The following NTRK3 variants were observed in gnomAD, a reference collection of about 807,000 sequenced individuals.
NTRK3 encodes NT-3 growth factor receptor.
Under a neutral mutation model 91.7 loss-of-function variants are expected in NTRK3, and 24 were observed. The observed-to-expected ratio is 0.26, with a 90% CI of 0.19 to 0.37. The LOEUF (loss-of-function observed/expected upper bound fraction) is 0.37, where lower values mean the gene tolerates loss of function less well. NTRK3 is among the 10% of genes least tolerant of loss of function. The pLI is 1.00. For synonymous variants in NTRK3, 483 were observed against 404.0 expected (o/e 1.20, Z -2.34); for missense variants, 880 against 1,068.9 (o/e 0.82, Z 2.46).
At chr15:88,118,052 C>T (rs78538995) in intron 13 of NTRK3, among the ~76,000 whole-genome samples, 21 of 152,296 alleles carry the variant, frequency 1.4e-4, no homozygotes, top group African/African-American at 4.8e-4. Flanking sequence ...GAGCTGGGGC[C>T]GGGGATTTGC....
intron 6 of NTRK3, among the ~76,000 whole-genome samples, chr15:88,146,771 TGAA>T (rs2042926975): frequency 6.6e-6 from 1 of 152,140 alleles, no homozygotes; most frequent in African/African-American, 2.4e-5. Context: ...TCAAATAAGC[TGAA>T]GAAGATTATG....
chr15:87,932,521 A>T (rs768299103), intron 16 of NTRK3, among the ~76,000 whole-genome samples: 1 of 152,202 alleles, frequency 6.6e-6, no homozygotes, highest in South Asian at 2.1e-4. Flanking sequence ...TGTTTCAACC[A>T]TCTCTGCCAC....
chr15:88,091,039 G>A (rs966660005), intron 13 of NTRK3, among the ~76,000 whole-genome samples: 58 of 152,328 alleles, frequency 3.8e-4, no homozygotes, highest in African/African-American at 1.3e-3. Flanking sequence ...TAACTCCTGT[G>A]TGAACCCTGG....
intron 3 of NTRK3, among the ~76,000 whole-genome samples, chr15:88,232,810 C>T (rs1243444431): frequency 6.6e-6 from 1 of 152,174 alleles, no homozygotes; most frequent in Non-Finnish European, 1.5e-5. Flanking sequence ...AACATTCTTG[C>T]CTTGTGAGAG....
At chr15:87,986,179 A>G (rs1197553386) in intron 14 of NTRK3, among the ~76,000 whole-genome samples, 1 of 152,218 alleles carries the variant, frequency 6.6e-6, no homozygotes, top group Non-Finnish European at 1.5e-5. Flanking sequence ...GGGTATTAAT[A>G]ATCTATCTTC....
chr15:87,973,970 A>C (rs2073481185), intron 14 of NTRK3, among the ~76,000 whole-genome samples: 1 of 152,138 alleles, frequency 6.6e-6, no homozygotes. Flanking sequence ...TGCCTAATCC[A>C]TGTCTGGCTC....
At chr15:88,019,842 G>A (rs1031806701) in intron 14 of NTRK3, among the ~76,000 whole-genome samples, 11 of 152,180 alleles carry the variant, frequency 7.2e-5, no homozygotes, top group Non-Finnish European at 1.0e-4. Context: ...GATGATCAAC[G>A]TCTTAAGCCA....
In NTRK3 at chr15:88,197,117, A is replaced by AC. The variant is rs1325968588; in HGVS notation, c.249-12819_249-12818insG. On this transcript the variant is annotated intron_variant, in intron 3 of 18. Coordinates refer to ENST00000394480, the Ensembl canonical transcript of NTRK3. ...GACAAAAAAAAAAAAAAAAAAAAAA[A>AC]AAAAAAAAAACCTCTGTGATTGATT... is the stretch of plus-strand genomic sequence containing the variant. Among the ~76,000 whole-genome samples the AC allele has an allele frequency of 3.1e-5, 4 of 130,678 alleles. No individual in the cohort carries two copies. In the East Asian group the frequency reaches 5.9e-4, roughly 19 times the overall value. The allele number at this position is 130,678 out of a possible 152,430, so 85.7% of individuals were successfully genotyped here.
chr15:88,205,865 C>A (rs2048706159), intron 3 of NTRK3: 1 of 152,282 alleles, frequency 6.6e-6, no homozygotes, highest in African/African-American at 2.4e-5. Flanking sequence ...GGGACAAGGG[C>A]GTCCCCTGAA....
chr15:88,078,931 G>T (rs570922353), intron 13 of NTRK3, among the ~76,000 whole-genome samples: 1 of 152,328 alleles, frequency 6.6e-6, no homozygotes, highest in South Asian at 2.1e-4. Flanking sequence ...TTGGCTTTCC[G>T]CTGCATGCGA....
intron 17 of NTRK3, among the ~76,000 whole-genome samples, chr15:87,911,676 A>C (rs1053264263): frequency 2.6e-5 from 4 of 152,220 alleles, no homozygotes; most frequent in African/African-American, 9.7e-5. Context: ...CCTTGCATAC[A>C]TCTCTGTACT....
chr15:88,075,964 CTCAGCTT>C (rs1211576831), intron 13 of NTRK3, among the ~76,000 whole-genome samples: 1 of 152,228 alleles, frequency 6.6e-6, no homozygotes, highest in African/African-American at 2.4e-5. Context: ...CTGGCACACA[CTCAGCTT>C]TCAGCTTAGG....
chr15:87,862,992 G>C (rs908398687), exon 19 of NTRK3: 4 of 230,728 alleles, frequency 1.7e-5, no homozygotes, highest in African/African-American at 8.8e-5. Context: ...GAAATGTGCA[G>C]AAATGTTAAA....
intron 17 of NTRK3, among the ~76,000 whole-genome samples, chr15:87,902,245 T>C (rs1175767479): frequency 1.3e-5 from 2 of 152,218 alleles, no homozygotes; most frequent in African/African-American, 4.8e-5. Context: ...TCTTGGAGCT[T>C]TTCTCTGCAT....
At chr15:88,148,989 G>A (rs768027097) in intron 5 of NTRK3, among the ~76,000 whole-genome samples, 7 of 152,186 alleles carry the variant, frequency 4.6e-5, no homozygotes, top group East Asian at 1.9e-4. Context: ...ACATGGAGGC[G>A]ATGGGATAGA....
At chr15:87,945,900 T>C (rs2070445088) in intron 14 of NTRK3, among the ~76,000 whole-genome samples, 1 of 152,112 alleles carries the variant, frequency 6.6e-6, no homozygotes, top group South Asian at 2.1e-4. Context: ...CTCTAGTTCC[T>C]TATCTGTAGA....
At chr15:87,946,677 T>C (rs1405728542) in intron 14 of NTRK3, among the ~76,000 whole-genome samples, 2 of 152,138 alleles carry the variant, frequency 1.3e-5, no homozygotes, top group Non-Finnish European at 1.5e-5. Context: ...TCCTAACTAG[T>C]TCCTGTCCTC....
chr15:88,045,921 TCTTAA>T (rs547039464), intron 13 of NTRK3, among the ~76,000 whole-genome samples: 154 of 152,354 alleles, frequency 1.0e-3, no homozygotes, highest in Non-Finnish European at 1.7e-3. Flanking sequence ...TATCACTTCA[TCTTAA>T]CTTAAATCTT....
At chr15:88,097,608 C>T (rs2049749140) in intron 13 of NTRK3, among the ~76,000 whole-genome samples, 4 of 152,164 alleles carry the variant, frequency 2.6e-5, no homozygotes, top group Admixed American at 2.6e-4. Context: ...AGATGTTCAC[C>T]TCATTGTTAC....
Sources: gnomAD v4.1 joint callset for allele counts (sites outside exome capture counted in the v4.1 genomes callset) on GRCh38, gnomAD v4.1.1 for gene constraint, MANE v1.5 for transcripts, NCBI Gene and HGNC (gene_info 2026-07-23, HGNC 2026-07-21) for gene names.